The following NAA15 variants were observed in gnomAD, a reference collection of about 807,000 sequenced individuals.
The protein encoded by NAA15 is N-terminal acetyltransferase.
NAA15 carries 34 observed loss-of-function variants against 114.0 expected under a neutral mutation model. The ratio of observed to expected loss-of-function variants is 0.30; its 90% CI spans 0.23 to 0.40. The LOEUF (loss-of-function observed/expected upper bound fraction) is 0.40, where lower values mean the gene tolerates loss of function less well. Ranked by LOEUF, NAA15 falls within the 10% of genes least tolerant of loss-of-function variation. The probability of loss-of-function intolerance (pLI) is 1.00; values close to 1 mark genes in which losing one functional copy is unlikely to be tolerated. For missense variants in NAA15, 658 were observed against 1,004.5 expected, an observed-to-expected ratio of 0.66 and a Z score of 4.66; for synonymous variants, 340 against 338.0, an observed-to-expected ratio of 1.01 and a Z score of -0.06.
chr4:139,348,857 C>A (rs1747686467), intron 6 of NAA15, among the ~76,000 whole-genome samples: 1 of 152,110 alleles, frequency 6.6e-6, no homozygotes, highest in African/African-American at 2.4e-5. Flanking sequence ...GTCATGCAGT[C>A]CAGGGAAGGC....
At position 139,324,657 on chromosome 4, in the gene NAA15, C is replaced by T. The variant is rs575120789; in HGVS notation, c.55-9517C>T. 6.6e-5 allele frequency among the ~76,000 whole-genome samples: 10 copies of T among 152,272 alleles called. No individual in the cohort carries two copies. In the South Asian group the frequency reaches 1.7e-3, roughly 25 times the overall value. On this transcript the variant is annotated intron_variant, in intron 1 of 19. Transcript: ENST00000296543. ...CCTAAAAAGTTAGTTTAGGGCCGGG[C>T]GCAGTGGCTCACGCCTGTAATCCCA...
chr4:139,350,271 T>C (rs1006398120), intron 7 of NAA15, among the ~76,000 whole-genome samples: 6 of 152,308 alleles, frequency 3.9e-5, no homozygotes, highest in Admixed American at 3.3e-4. Context: ...GGTGAGACAC[T>C]GCCTCTTAAA....
chr4:139,317,873 G>A (rs995185271), intron 1 of NAA15, among the ~76,000 whole-genome samples: 1 of 152,164 alleles, frequency 6.6e-6, no homozygotes, highest in Non-Finnish European at 1.5e-5. Context: ...TCAATCATGT[G>A]TGTAATCCTT....
intron 18 of NAA15, among the ~76,000 whole-genome samples, chr4:139,385,242 C>A (rs1748863843): frequency 7.6e-6 from 1 of 131,514 alleles, no homozygotes; most frequent in Non-Finnish European, 1.6e-5. Flanking sequence ...CATAATGATA[C>A]CCTGTTTCAA....
chr4:139,361,944 T>C lies in NAA15; in HGVS notation c.1753+7T>C. On this transcript the variant is annotated splice_region_variant and intron_variant, in intron 14 of 19. Coordinates refer to ENST00000296543, the MANE Select transcript of NAA15 (RefSeq NM_057175.5). Reference sequence around the variant, plus strand: ...GAACACGAAGCTGATACAGGTATAATATTCAGAGTTCTTCTTGTGCTCTGA... The same window carrying C: ...GAACACGAAGCTGATACAGGTATAACATTCAGAGTTCTTCTTGTGCTCTGA... 3 of 1,585,538 alleles carry C rather than the reference T, an allele frequency of 1.9e-6. No homozygotes were observed. In the African/African-American group the frequency reaches 4.3e-5, roughly 23 times the overall value.
chr4:139,306,597 GTTTTT>G (rs777081197), intron 1 of NAA15, among the ~76,000 whole-genome samples: 40 of 149,568 alleles, frequency 2.7e-4, no homozygotes, highest in East Asian at 1.7e-3. Flanking sequence ...TTTTGGTCTG[GTTTTT>G]TTTTTGTTTT....
Position 139,357,338 on chromosome 4 carries a change from TAA to T in NAA15, c.1088-47_1088-46del, listed in dbSNP as rs1191148457. 3 of 1,568,370 alleles carry T rather than the reference TAA, an allele frequency of 1.9e-6. No individual in the cohort carries two copies. In the South Asian group the frequency reaches 3.4e-5, roughly 18 times the overall value. ...TAGGGACCATTTTGGGGGGTGCTCT[TAA>T]TATATGTAATGCCTCATCTTGGTTT... On this transcript the variant is annotated intron_variant, in intron 10 of 19. Transcript: ENST00000296543.
At chr4:139,316,105 A>G (rs1291928303) in intron 1 of NAA15, among the ~76,000 whole-genome samples, 4 of 151,810 alleles carry the variant, frequency 2.6e-5, no homozygotes, top group African/African-American at 9.7e-5. Context: ...ATTGTTAAAG[A>G]TTTACAGATC....
chr4:139,344,451 A>T, intron 6 of NAA15, 112 bp downstream of exon 6: 1 of 809,554 alleles, frequency 1.2e-6, no homozygotes, highest in Admixed American at 2.6e-5. Flanking sequence ...GATGATAGGA[A>T]ATCTATTTCT....
chr4:139,321,736 G>C (rs535625972), intron 1 of NAA15, among the ~76,000 whole-genome samples: 13 of 150,418 alleles, frequency 8.6e-5, no homozygotes, highest in Non-Finnish European at 8.8e-5. Flanking sequence ...GCCTGCCTCA[G>C]CCTCCCAAAG....
intron 1 of NAA15, among the ~76,000 whole-genome samples, chr4:139,307,071 AGTG>A (rs374861733): frequency 1.3e-5 from 2 of 152,314 alleles, no homozygotes; most frequent in African/African-American, 4.8e-5. Flanking sequence ...TTCCTAGAAA[AGTG>A]GTGAGAGAAG....
intron 17 of NAA15, among the ~76,000 whole-genome samples, chr4:139,384,580 CTCA>C (rs1748839894): frequency 1.3e-5 from 2 of 151,952 alleles, no homozygotes; most frequent in African/African-American, 4.8e-5. Flanking sequence ...TTTCATTGGC[CTCA>C]TCATTAGGTA....
At chr4:139,352,820 A>G (rs564338481) in intron 9 of NAA15, among the ~76,000 whole-genome samples, 2 of 151,938 alleles carry the variant, frequency 1.3e-5, no homozygotes, top group South Asian at 2.1e-4. Flanking sequence ...GGCACGTGCC[A>G]CCATACCAGG....
intron 6 of NAA15, among the ~76,000 whole-genome samples, chr4:139,347,418 G>A (rs1747621449): frequency 6.6e-6 from 1 of 151,720 alleles, no homozygotes; most frequent in Admixed American, 6.6e-5. Flanking sequence ...GATCACTTGA[G>A]CCTAGGAGTT....
chr4:139,359,573 CAGAACTTATATTATGGA>C (rs1748070019), intron 11 of NAA15, among the ~76,000 whole-genome samples, 153 bp from the exon 12 acceptor site: 1 of 152,184 alleles, frequency 6.6e-6, no homozygotes, highest in Non-Finnish European at 1.5e-5. Context: ...AAAAAGGAAT[CAGAACTTATATTATGGA>C]AGAATGCATT....
chr4:139,349,390 AG>A, intron 6 of NAA15, 71 bp from the exon 7 acceptor site: 10 of 1,343,846 alleles, frequency 7.4e-6, no homozygotes, highest in Non-Finnish European at 1.0e-5. Flanking sequence ...AGAAATTTTG[AG>A]GAAAAGTTAA....
intron 7 of NAA15, among the ~76,000 whole-genome samples, chr4:139,350,345 G>A (rs1204871829): frequency 6.6e-6 from 1 of 152,216 alleles, no homozygotes; most frequent in Non-Finnish European, 1.5e-5. Flanking sequence ...AAGCTCTGTG[G>A]TAAGCTGTGG....
chr4:139,330,421 C>G (rs1161207661), intron 1 of NAA15, among the ~76,000 whole-genome samples: 1 of 152,214 alleles, frequency 6.6e-6, no homozygotes, highest in South Asian at 2.1e-4. Flanking sequence ...TTCTCCTCCT[C>G]TTATCCCTGA....
intron 3 of NAA15, among the ~76,000 whole-genome samples, chr4:139,339,792 A>G (rs1251138150): frequency 6.6e-6 from 1 of 151,476 alleles, no homozygotes; most frequent in Non-Finnish European, 1.5e-5. Context: ...AAACAACAAA[A>G]CCCAATTACT....
Sources: allele counts gnomAD v4.1 joint callset (sites outside exome capture counted in the v4.1 genomes callset), GRCh38; gene constraint gnomAD v4.1.1; transcripts MANE v1.5; gene names NCBI Gene and HGNC (gene_info 2026-07-23, HGNC 2026-07-21).